The following AMY2B variants were observed in gnomAD, a reference collection of about 807,000 sequenced individuals.
AMY2B encodes the protein amylase alpha 2B.
Under a neutral mutation model 59.3 loss-of-function variants are expected in AMY2B, and 63 were observed. That is an observed-to-expected ratio of 1.06 (90% CI 0.87 to 1.31). The LOEUF (loss-of-function observed/expected upper bound fraction) is 1.31, where lower values mean the gene tolerates loss of function less well. AMY2B is among the 50% of genes most tolerant of loss of function. The probability of loss-of-function intolerance (pLI) is 0.00; values close to 1 mark genes in which losing one functional copy is unlikely to be tolerated. For missense variants in AMY2B, 635 were observed against 626.7 expected (o/e 1.01, Z -0.14); for synonymous variants, 180 against 198.1 (o/e 0.91, Z 0.77).
chr1:103,558,762 GAAAA>G (rs781030633), intron 1 of AMY2B, among the ~76,000 whole-genome samples: 6 of 74,136 alleles, frequency 8.1e-5, no homozygotes, highest in Admixed American at 3.0e-4. Context: ...GACCCCAACT[GAAAA>G]AAAAAAAAAA....
At chr1:103,578,372 T>C (rs1652445412) in intron 9 of AMY2B, among the ~76,000 whole-genome samples, 1 of 152,202 alleles carries the variant, frequency 6.6e-6, no homozygotes, top group Admixed American at 6.6e-5. Context: ...TTGTGGTTAA[T>C]GATTGGCTTC....
chr1:103,557,905 T>C (rs1280704578), intron 1 of AMY2B, among the ~76,000 whole-genome samples: 1 of 152,186 alleles, frequency 6.6e-6, no homozygotes, highest in Non-Finnish European at 1.5e-5. Context: ...AAATTGAATG[T>C]CTTGCTATCG....
rs1652314874 is a variant in AMY2B, at chr1:103,575,462, AT to A, written c.1026del (p.Phe342LeufsTer12). ...DARLYKMAVG[F>X]MLAHPYGFTR... The stretch of plus-strand genomic sequence containing the variant: ...TCAGGCTGTATAAAATGGCAGTTGG[AT>A]TTATGCTTGCTCATCCTTATGGTTT... On this transcript the variant is annotated frameshift_variant, in exon 7 of 10. Transcript: ENST00000684275. LOFTEE classifies it high-confidence loss of function. The A allele has an allele frequency of 6.2e-7, 1 of 1,613,628 alleles. No homozygotes were observed. Among genetic ancestry groups the A allele is most frequent in the East Asian group, 2.2e-5 (1 of 44,848 alleles).
intron 5 of AMY2B, 108 bp downstream of exon 5, chr1:103,574,501 G>A (rs1240737275): frequency 6.3e-7 from 1 of 1,583,976 alleles, no homozygotes; most frequent in East Asian, 2.2e-5. Flanking sequence ...CTATCAAGGA[G>A]TCAATTGTTA....
chr1:103,569,334 A>G (rs1303253302), upstream of AMY2B: 1 of 150,474 alleles, frequency 6.6e-6, no homozygotes, highest in Non-Finnish European at 1.5e-5. Context: ...TTGTGTATAT[A>G]TATATATAAA....
At chr1:103,578,643 G>A (rs558049244) in intron 9 of AMY2B, among the ~76,000 whole-genome samples, 2 of 151,950 alleles carry the variant, frequency 1.3e-5, no homozygotes, top group Non-Finnish European at 2.9e-5. Context: ...AAAAGCCCAT[G>A]TCTAGTTCTT....
intron 1 of AMY2B, chr1:103,565,093 T>C (rs950995872): frequency 4.6e-5 from 7 of 152,174 alleles, no homozygotes; most frequent in Admixed American, 2.0e-4. Flanking sequence ...ATTCCAGGGG[T>C]ATATGTTCCA....
rs764330670 is a variant in AMY2B at position 103,574,281 on chromosome 1, C to T, written c.766C>T (p.Pro256Ser). 2.5e-6 allele frequency: 4 copies of T among 1,611,278 alleles called. No individual in the cohort carries two copies. Among genetic ancestry groups the T allele is most frequent in the East Asian group, 2.2e-5 (1 of 44,844 alleles). Residue 256 changes from proline to serine, a missense_variant, in exon 5 of 10, where the codon CCA (proline) becomes TCA (serine). Pro to Ser is a moderately conservative substitution (Grantham distance 74). Transcript: ENST00000684275. ...YQEVIDLGGE[P>S]IKSSDYFGNG... Reference sequence around the variant, plus strand: ...CTAGGTAATTGATCTGGGTGGTGAGCCAATTAAAAGCAGTGACTACTTTGG... The same window carrying T: ...CTAGGTAATTGATCTGGGTGGTGAGTCAATTAAAAGCAGTGACTACTTTGG...
At chr1:103,571,202 G>C (rs1174194381), upstream of AMY2B, 1 of 778,806 alleles carries the variant, frequency 1.3e-6, no homozygotes, top group Non-Finnish European at 1.7e-6. Flanking sequence ...CCTTGAGTTG[G>C]AAGCGGTTTG....
chr1:103,576,659 T>A (rs1652366770), intron 7 of AMY2B, among the ~76,000 whole-genome samples: 1 of 152,204 alleles, frequency 6.6e-6, no homozygotes, highest in African/African-American at 2.4e-5. Context: ...AAAAATGTTC[T>A]GATGTATTGT....
chr1:103,568,561 C>T (rs1158674814), upstream of AMY2B: 1 of 151,982 alleles, frequency 6.6e-6, no homozygotes, highest in East Asian at 1.9e-4. Flanking sequence ...GGATGGGAAA[C>T]AGGGCTGATT....
chr1:103,565,911 T>C (rs1651893089), intron 2 of AMY2B, among the ~76,000 whole-genome samples: 1 of 152,178 alleles, frequency 6.6e-6, no homozygotes, highest in Non-Finnish European at 1.5e-5. Flanking sequence ...GTCCATCTGA[T>C]ATAATTAAAA....
chr1:103,578,643 G>C (rs558049244), intron 9 of AMY2B, among the ~76,000 whole-genome samples: 1 of 152,068 alleles, frequency 6.6e-6, no homozygotes, highest in South Asian at 2.1e-4. Context: ...AAAAGCCCAT[G>C]TCTAGTTCTT....
In AMY2B at chr1:103,572,109, G is replaced by A. The variant is rs1457706757; in HGVS notation, c.169-1G>A. ...AGTTATGAAGACTGTTTAATTTGTA[G>A]GTCTCTCCACCAAATGAAAATGTTG... On this transcript the variant is annotated splice_acceptor_variant, in intron 1 of 9. Transcript: ENST00000684275. LOFTEE classifies it high-confidence loss of function. 1 of 1,611,550 alleles carries A rather than the reference G, an allele frequency of 6.2e-7. No homozygotes were observed. Among genetic ancestry groups the A allele is most frequent in the Non-Finnish European group, 8.5e-7 (1 of 1,179,670 alleles).
intron 1 of AMY2B, among the ~76,000 whole-genome samples, chr1:103,563,072 C>T (rs1651786775): frequency 6.6e-6 from 1 of 151,986 alleles, no homozygotes; most frequent in African/African-American, 2.4e-5. Context: ...CAGAAACTGG[C>T]TAATTTTGAG....
chr1:103,574,834 G>T (rs991203589), intron 5 of AMY2B, among the ~76,000 whole-genome samples: 1 of 151,366 alleles, frequency 6.6e-6, no homozygotes, highest in African/African-American at 2.4e-5. Flanking sequence ...TTGACATTCC[G>T]TAAAATGTGA....
exon 1 of AMY2B, chr1:103,554,997 T>C (rs1277185768): frequency 2.0e-5 from 3 of 152,184 alleles, no homozygotes; most frequent in African/African-American, 7.2e-5. Flanking sequence ...ACCTGTGTTA[T>C]ACTTCCTATT....
upstream of AMY2B, chr1:103,570,377 G>C: frequency 3.6e-6 from 3 of 824,974 alleles, no homozygotes; most frequent in Middle Eastern, 2.5e-4. Context: ...CATCCACCCA[G>C]ACCATCTTCA....
intron 1 of AMY2B, among the ~76,000 whole-genome samples, chr1:103,556,191 C>T (rs1010323321): frequency 1.3e-5 from 2 of 152,110 alleles, no homozygotes; most frequent in African/African-American, 4.8e-5. Context: ...CTTAGGCAAT[C>T]TGTGGTTTAT....
Sources: allele counts gnomAD v4.1 joint callset (sites outside exome capture counted in the v4.1 genomes callset), GRCh38; gene constraint gnomAD v4.1.1; transcripts MANE v1.5; gene names NCBI Gene and HGNC (gene_info 2026-07-23, HGNC 2026-07-21).